Variants in RD3L observed in about 807,000 individuals in gnomAD.
RD3L encodes the protein RD3 like.
In RD3L, 6 loss-of-function variants were observed where a neutral mutation model predicts 12.5. That is an observed-to-expected ratio of 0.48 (90% CI 0.26 to 0.95). The LOEUF (loss-of-function observed/expected upper bound fraction) is 0.95, where lower values mean the gene tolerates loss of function less well. Ranked by LOEUF, RD3L falls within the 40% of genes least tolerant of loss-of-function variation. The pLI, the probability that RD3L is intolerant of heterozygous loss-of-function variation, is 0.14. For missense variants in RD3L, 234 were observed against 228.6 expected, an observed-to-expected ratio of 1.02 and a Z score of -0.15; for synonymous variants, 87 against 79.3, an observed-to-expected ratio of 1.10 and a Z score of -0.52.
At position 103,940,638 on chromosome 14, in the gene RD3L, CAT is replaced by C. The variant is rs1169674964; in HGVS notation, c.*166_*167del. ...TTAAAAGCATACTATTCAATGAAAA[CAT>C]AGCATGTTTAGAGTGGTTAAAAAAA... On this transcript the variant is annotated 3_prime_UTR_variant, in exon 3 of 3. Transcript: ENST00000557640. The C allele has an allele frequency of 1.9e-6, 1 of 517,210 alleles. No homozygotes were observed. Among genetic ancestry groups the C allele is most frequent in the African/African-American group, 1.9e-5 (1 of 52,362 alleles). 32.0% of individuals were successfully genotyped at this position (517,210 alleles called of 1,614,324 possible).
Position 103,942,310 on chromosome 14 carries a change from C to G in RD3L, c.-226G>C, listed in dbSNP as rs1343300733. ...CATTTGGAGAGAATGCTCATTAATTCACCTTGTAAGTAAGCTAGAAGAAAT... is the reference window on the plus strand; with the variant it reads ...CATTTGGAGAGAATGCTCATTAATTGACCTTGTAAGTAAGCTAGAAGAAAT... On this transcript the variant is annotated 5_prime_UTR_variant, in exon 1 of 3. Coordinates refer to ENST00000557640, the MANE Select transcript of RD3L (RefSeq NM_001257268.2). 2.0e-5 allele frequency: 3 copies of G among 152,200 alleles called. No homozygotes were observed. The highest frequency in any genetic ancestry group is 7.2e-5 in the African/African-American group (3 of 41,420). 9.4% of individuals were successfully genotyped at this position (152,200 alleles called of 1,614,324 possible).
In RD3L at chr14:103,941,506, GC is replaced by G; in HGVS notation, c.189del (p.Trp63CysfsTer14). 6.5e-7 allele frequency: 1 copy of G among 1,535,212 alleles called. No homozygotes were observed. Among genetic ancestry groups the G allele is most frequent in the East Asian group, 2.4e-5 (1 of 40,916 alleles). ...GTGTGGGGATTCTGGTAGTTTCTGAGCCAGTTGTAATCCACACCTGTTTTTT... is the reference window on the plus strand; with the variant it reads ...GTGTGGGGATTCTGGTAGTTTCTGAGCAGTTGTAATCCACACCTGTTTTTT... ...KVKKTGVDYN[W>X]LRNYQNPHTT... On this transcript the variant is annotated frameshift_variant, in exon 2 of 3. Coordinates refer to ENST00000557640, the MANE Select transcript of RD3L (RefSeq NM_001257268.2). LOFTEE classifies it high-confidence loss of function.
In RD3L at chr14:103,940,802, T is replaced by C. The variant is rs917046897; in HGVS notation, c.*4A>G. 28 of 1,525,166 alleles carry C rather than the reference T, an allele frequency of 1.8e-5. No individual in the cohort carries two copies. The African/African-American group carries it at 3.7e-4, about 20-fold the overall frequency. The allele number at this position is 1,525,166 out of a possible 1,614,324, so 94.5% of individuals were successfully genotyped here. A position where few individuals can be genotyped will look rare whatever the true frequency, so the allele number is the denominator to read the frequency against. On this transcript the variant is annotated 3_prime_UTR_variant, in exon 3 of 3. Coordinates refer to ENST00000557640, the MANE Select transcript of RD3L (RefSeq NM_001257268.2). ...TCATAAAAACCCCTCTAGTTGTAAG[T>C]AACTTAACTAGATGGGTGATAATAT... is the stretch of plus-strand genomic sequence containing the variant.
chr14:103,941,045 T>A lies in RD3L; in HGVS notation c.358A>T (p.Lys120Ter), dbSNP rs763336035. ...CTTAGGAAGTCTTTCAGAACTTGCT[T>A]GAAGATGTAGACTATTTCCCATGGC... ...VLPWEIVYIF[K>*]QVLKDFLSSS... The change falls in exon 3 of 3, where the codon AAG becomes TAG. Residue 120 changes from lysine (K) to a stop codon, truncating the protein, a stop_gained. Transcript: ENST00000557640. LOFTEE classifies it low-confidence loss of function (END_TRUNC). The A allele has an allele frequency of 1.4e-5, 22 of 1,535,234 alleles. No individual in the cohort carries two copies. The highest frequency in any genetic ancestry group is 4.1e-5 in the African/African-American group (3 of 73,044).
chr14:103,942,482 A>G lies in RD3L; in HGVS notation c.-398T>C, dbSNP rs902425529. The stretch of plus-strand genomic sequence containing the variant: ...CATGTCTTTGGTAGTGAAACGAAGA[A>G]TGGTCGTCTAAAGCACCATAGATGC... On this transcript the variant is annotated 5_prime_UTR_variant, in exon 1 of 3. Coordinates refer to ENST00000557640, the MANE Select transcript of RD3L (RefSeq NM_001257268.2). 1.3e-5 allele frequency among the ~76,000 whole-genome samples: 2 copies of G among 152,234 alleles called. No homozygotes were observed. The highest frequency in any genetic ancestry group is 4.8e-5 in the African/African-American group (2 of 41,454).
Position 103,942,393 on chromosome 14 carries a change from T to C in RD3L, c.-309A>G, listed in dbSNP as rs1347860412. 6.6e-6 allele frequency: 1 copy of C among 152,250 alleles called. No homozygotes were observed. The highest frequency in any genetic ancestry group is 1.5e-5 in the Non-Finnish European group (1 of 68,042). 9.4% of individuals were successfully genotyped at this position (152,250 alleles called of 1,614,324 possible). A position where few individuals can be genotyped will look rare whatever the true frequency, so the allele number is the denominator to read the frequency against. On this transcript the variant is annotated 5_prime_UTR_variant, in exon 1 of 3. Coordinates refer to ENST00000557640, the MANE Select transcript of RD3L (RefSeq NM_001257268.2). ...GTTATATAATGGTCTGCCTTTTCAA[T>C]GTAGCTCAGTCTATTTGAAAAAAAT...
At position 103,940,939 on chromosome 14, in the gene RD3L, C is replaced by A; in HGVS notation, c.464G>T (p.Gly155Val). Residue 155 changes from glycine (G) to valine (V), a missense_variant, in exon 3 of 3, where the codon GGT becomes GTT. Physicochemically the swap from Gly to Val is moderately radical, Grantham distance 109. Coordinates refer to ENST00000557640, the MANE Select transcript of RD3L (RefSeq NM_001257268.2). ...TTTGTCTGCCCTCTTGGAGCTGTCA[C>A]CTTGGATCACAGAAGGAGCAGAGCA... ...MDCSAPSVIQGDSSKRADKDE... is the reference protein window; with the variant it reads ...MDCSAPSVIQVDSSKRADKDE... The A allele has an allele frequency of 6.5e-7, 1 of 1,535,402 alleles. No homozygotes were observed. Among genetic ancestry groups the A allele is most frequent in the Non-Finnish European group, 8.7e-7 (1 of 1,146,742 alleles).
Position 103,941,801 on chromosome 14 carries a change from T to A in RD3L, c.-7-99A>T, listed in dbSNP as rs117763426. On this transcript the variant is annotated intron_variant, in intron 1 of 2. Coordinates refer to ENST00000557640, the MANE Select transcript of RD3L (RefSeq NM_001257268.2). ...ATAAATTTGCCCGAAAAGTGCACGA[T>A]TTTTTTTCACATTTAGCTATGCAGG... is the stretch of plus-strand genomic sequence containing the variant. The A allele has an allele frequency of 2.8e-3, 2,301 of 829,268 alleles. 41 individuals carry two copies. In the East Asian group the frequency reaches 0.037, roughly 13 times the overall value. 51.4% of individuals were successfully genotyped at this position (829,268 alleles called of 1,614,324 possible).
Position 103,940,700 on chromosome 14 carries a change from A to C in RD3L, c.*106T>G, listed in dbSNP as rs564103055. The C allele has an allele frequency of 2.8e-6, 2 of 710,480 alleles. No homozygotes were observed. The highest frequency in any genetic ancestry group is 2.3e-6 in the Non-Finnish European group (1 of 432,328). The allele number at this position is 710,480 out of a possible 1,614,324, so 44.0% of individuals were successfully genotyped here. On this transcript the variant is annotated 3_prime_UTR_variant, in exon 3 of 3. Transcript: ENST00000557640. ...TTAAAACATAGGCTACATCCACAGG[A>C]TACTGACCTTGTAACAAAGAAAAAC...
Position 103,940,900 on chromosome 14 carries a change from G to T in RD3L, c.503C>A (p.Thr168Asn), listed in dbSNP as rs761917610. The T allele has an allele frequency of 2.6e-6, 4 of 1,535,122 alleles. No individual in the cohort carries two copies. In the African/African-American group the frequency reaches 4.1e-5, roughly 16 times the overall value. ...SKRADKDEIPTISSYVDKNTK... is the reference protein window; with the variant it reads ...SKRADKDEIPNISSYVDKNTK... ...GTTTTTGTCTACGTAACTGGAAATG[G>T]TGGGTATTTCATCTTTGTCTGCCCT... The change falls in exon 3 of 3, where the codon ACC (threonine) becomes AAC (asparagine). Residue 168 changes from threonine to asparagine, a missense_variant. By Grantham distance (65) the Thr-to-Asn change is moderately conservative. Coordinates refer to ENST00000557640, the MANE Select transcript of RD3L (RefSeq NM_001257268.2).
At position 103,941,297 on chromosome 14, in the gene RD3L, G is replaced by A. The variant is rs2031214907; in HGVS notation, c.299+100C>T. On this transcript the variant is annotated intron_variant, in intron 2 of 2. Transcript: ENST00000557640. The stretch of plus-strand genomic sequence containing the variant: ...CAATTGCTCACCAGACATCTACACA[G>A]TTAAAGAATTTACATGATAGAATAC... The A allele has an allele frequency of 1.3e-5, 13 of 1,014,958 alleles. No individual in the cohort carries two copies. The South Asian group carries it at 1.5e-4, about 12-fold the overall frequency. The allele number at this position is 1,014,958 out of a possible 1,614,324, so 62.9% of individuals were successfully genotyped here.
In RD3L at chr14:103,941,708, G is replaced by A. The variant is rs2031247506; in HGVS notation, c.-7-6C>T. On this transcript the variant is annotated splice_polypyrimidine_tract_variant and splice_region_variant and intron_variant, in intron 1 of 2. Coordinates refer to ENST00000557640, the MANE Select transcript of RD3L (RefSeq NM_001257268.2). The stretch of plus-strand genomic sequence containing the variant: ...CAAAAAGTGGCATTTTTAGCCTATG[G>A]AAATATTTTCACTTGTTTATTTGCT... The A allele has an allele frequency of 3.4e-6, 5 of 1,482,074 alleles. No homozygotes were observed. Among genetic ancestry groups the A allele is most frequent in the Non-Finnish European group, 4.5e-6 (5 of 1,119,636 alleles). The allele number at this position is 1,482,074 out of a possible 1,614,324, so 91.8% of individuals were successfully genotyped here.
rs531908180 is a variant in RD3L, at chr14:103,941,524, C to T, written c.172G>A (p.Gly58Ser). 6.5e-7 allele frequency: 1 copy of T among 1,535,296 alleles called. No homozygotes were observed. Among genetic ancestry groups the T allele is most frequent in the Non-Finnish European group, 8.7e-7 (1 of 1,146,668 alleles). ...IENEQKVKKT[G>S]VDYNWLRNYQ... ...TTTCTGAGCCAGTTGTAATCCACAC[C>T]TGTTTTTTTCACTTTTTGTTCATTT... The change falls in exon 2 of 3, where the codon GGT (glycine) becomes AGT (serine). Residue 58 changes from glycine to serine, a missense_variant. Transcript: ENST00000557640.
Position 103,941,321 on chromosome 14 carries a change from A to G in RD3L, c.299+76T>C. The G allele has an allele frequency of 2.7e-6, 3 of 1,114,512 alleles. No homozygotes were observed. In the South Asian group the frequency reaches 4.8e-5, roughly 18 times the overall value. 69.0% of individuals were successfully genotyped at this position (1,114,512 alleles called of 1,614,324 possible). On this transcript the variant is annotated intron_variant, in intron 2 of 2. Transcript: ENST00000557640. ...AGTTAAAGAATTTACATGATAGAAT[A>G]CAGTTTCTAGTCAAAATATATGAGG...
rs1310828918 is a variant in RD3L at position 103,941,507 on chromosome 14, C to T, written c.189G>A (p.Trp63Ter). The T allele has an allele frequency of 6.5e-7, 1 of 1,535,156 alleles. No homozygotes were observed. Among genetic ancestry groups the T allele is most frequent in the Middle Eastern group, 1.7e-4 (1 of 5,982 alleles). Residue 63 changes from tryptophan to a stop codon, truncating the protein, a stop_gained, in exon 2 of 3, where the codon TGG (tryptophan) becomes TGA (stop). Coordinates refer to ENST00000557640, the MANE Select transcript of RD3L (RefSeq NM_001257268.2). LOFTEE classifies it high-confidence loss of function. ...KVKKTGVDYNWLRNYQNPHTT... is the reference protein window; with the variant it reads ...KVKKTGVDYN ...TGTGGGGATTCTGGTAGTTTCTGAG[C>T]CAGTTGTAATCCACACCTGTTTTTT...
At position 103,941,562 on chromosome 14, in the gene RD3L, A is replaced by G; in HGVS notation, c.134T>C (p.Ile45Thr). The change falls in exon 2 of 3, where the codon ATA becomes ACA. Residue 45 changes from isoleucine to threonine, a missense_variant. Ile to Thr is a moderately conservative substitution (Grantham distance 89). Coordinates refer to ENST00000557640, the MANE Select transcript of RD3L (RefSeq NM_001257268.2). ...KWHLKERERL[I>T]QEIENEQKVK... ...TTTTTGTTCATTTTCGATTTCTTGT[A>G]TTAATCTCTCTCGCTCCTTTAGGTG... The G allele has an allele frequency of 6.5e-7, 1 of 1,535,248 alleles. No homozygotes were observed. The highest frequency in any genetic ancestry group is 8.7e-7 in the Non-Finnish European group (1 of 1,146,680).
Position 103,940,836 on chromosome 14 carries a change from C to T in RD3L, c.567G>A (p.Trp189Ter). ...DRFPVFSHRI[W>*]NLPYYHPSS ...TAGATGGGTGATAATATGGTAGGTTCCATATTCTGTGTGAGAACACTGGGA... is the reference window on the plus strand; with the variant it reads ...TAGATGGGTGATAATATGGTAGGTTTCATATTCTGTGTGAGAACACTGGGA... Residue 189 changes from tryptophan (W) to a stop codon, truncating the protein, a stop_gained, in exon 3 of 3, where the codon TGG becomes TGA. Coordinates refer to ENST00000557640, the MANE Select transcript of RD3L (RefSeq NM_001257268.2). LOFTEE classifies it high-confidence loss of function. The T allele has an allele frequency of 6.5e-7, 1 of 1,535,222 alleles. No individual in the cohort carries two copies. Among genetic ancestry groups the T allele is most frequent in the Non-Finnish European group, 8.7e-7 (1 of 1,146,564 alleles).
At position 103,941,597 on chromosome 14, in the gene RD3L, T is replaced by C. The variant is rs2152120046; in HGVS notation, c.99A>G (p.Glu33=). Residue 33 remains glutamate (E), a synonymous_variant, in exon 2 of 3, where the codon GAA becomes GAG. Coordinates refer to ENST00000557640, the MANE Select transcript of RD3L (RefSeq NM_001257268.2). ...CTCGCTCCTTTAGGTGCCATTTTAA[T>C]TCCCGAAGCAGAGTCTTTGTCACTA... is the stretch of plus-strand genomic sequence containing the variant. ...SDIVTKTLLR[E]LKWHLKERER... 1.3e-6 allele frequency: 2 copies of C among 1,535,338 alleles called. No homozygotes were observed. Among genetic ancestry groups the C allele is most frequent in the Middle Eastern group, 1.7e-4 (1 of 5,984 alleles).
At chr14:103,941,762 T>C in intron 1 of RD3L, 60 bp from the exon 2 acceptor site, 1 of 1,252,816 alleles carries the variant, frequency 8.0e-7, no homozygotes, top group East Asian at 2.6e-5. Flanking sequence ...TGAGCAAATA[T>C]TTGTTTCTTT....
Sources: allele counts gnomAD v4.1 joint callset (sites outside exome capture counted in the v4.1 genomes callset), GRCh38; gene constraint gnomAD v4.1.1; transcripts MANE v1.5; gene names NCBI Gene and HGNC (gene_info 2026-07-23, HGNC 2026-07-21).